Variants in OPHN1 observed in about 807,000 individuals in gnomAD.
The protein encoded by OPHN1 is oligophrenin-1.
OPHN1 carries 11 observed loss-of-function variants against 60.7 expected under a neutral mutation model. That is an observed-to-expected ratio of 0.18 (90% CI 0.11 to 0.30). The LOEUF is 0.30. Ranked by LOEUF, OPHN1 falls within the 10% of genes least tolerant of loss-of-function variation. OPHN1 has a pLI of 1.00. For missense variants in OPHN1, 449 were observed against 611.0 expected (o/e 0.73, Z 2.80); for synonymous variants, 226 against 222.6 (o/e 1.02, Z -0.14).
chrX:68,222,163 A>C (rs1398653465), intron 6 of OPHN1, among the ~76,000 whole-genome samples: 1 of 109,380 alleles, frequency 9.1e-6, no homozygotes, highest in Non-Finnish European at 1.9e-5. Flanking sequence ...ATGCAGCCAA[A>C]AAACACATGA....
intron 21 of OPHN1, among the ~76,000 whole-genome samples, chrX:68,058,259 AACACACACACACACAC>A (rs745625536): frequency 9.8e-6 from 1 of 101,976 alleles, no homozygotes; most frequent in African/African-American, 3.6e-5. Context: ...CCTACACTCT[AACACACACACACACAC>A]ACACACACAC....
intron 19 of OPHN1, among the ~76,000 whole-genome samples, chrX:68,090,766 T>C (rs893376094): frequency 1.8e-5 from 2 of 111,321 alleles, no homozygotes; most frequent in African/African-American, 3.3e-5. Context: ...CCTTCAACCA[T>C]CCATGTCTGC....
At chrX:68,194,000 AC>A (rs1228965367) in intron 13 of OPHN1, 48 bp from the exon 14 acceptor site, 1 of 1,036,976 alleles carries the variant, frequency 9.6e-7, no homozygotes, top group African/African-American at 1.9e-5. Context: ...AACAGGTGTC[AC>A]CTATTAAACA....
At chrX:68,136,291 C>CTTTTTTTTTTTT (rs779712280) in intron 15 of OPHN1, among the ~76,000 whole-genome samples, 16 of 64,108 alleles carry the variant, frequency 2.5e-4, no homozygotes, top group African/African-American at 7.8e-4. Flanking sequence ...AATATCTTTT[C>CTTTTTTTTTTTT]TTTTTTTTTT....
intron 2 of OPHN1, among the ~76,000 whole-genome samples, chrX:68,401,342 G>A (rs747274835): frequency 8.9e-6 from 1 of 111,986 alleles, no homozygotes; most frequent in African/African-American, 3.2e-5. Context: ...ATCCTCAAAG[G>A]TGGTGGCATT....
intron 5 of OPHN1, among the ~76,000 whole-genome samples, chrX:68,243,709 A>G: frequency 8.9e-6 from 1 of 111,992 alleles, no homozygotes; most frequent in East Asian, 2.8e-4. Flanking sequence ...TTTTAGCTTA[A>G]TAAAAGCCAT....
intron 15 of OPHN1, among the ~76,000 whole-genome samples, chrX:68,123,170 T>C (rs1305357824): frequency 9.1e-6 from 1 of 110,388 alleles, no homozygotes; most frequent in African/African-American, 3.3e-5. Flanking sequence ...CAAGAGAGAG[T>C]GGCATGACAT....
intron 15 of OPHN1, among the ~76,000 whole-genome samples, chrX:68,134,122 C>T (rs2077209368): frequency 9.1e-6 from 1 of 110,083 alleles, no homozygotes; most frequent in Non-Finnish European, 1.9e-5. Flanking sequence ...TTGCAGTGAG[C>T]CAAGATCGCG....
intron 2 of OPHN1, among the ~76,000 whole-genome samples, chrX:68,426,230 C>T (rs2078854999): frequency 9.0e-6 from 1 of 110,737 alleles, no homozygotes; most frequent in African/African-American, 3.3e-5. Context: ...CACTTGAGGT[C>T]AGGAGTTCGA....
At chrX:68,270,943 A>C (rs930413632) in intron 5 of OPHN1, among the ~76,000 whole-genome samples, 1 of 110,777 alleles carries the variant, frequency 9.0e-6, no homozygotes, top group African/African-American at 3.3e-5. Context: ...ACCTCACTGA[A>C]CTTAGTGTCC....
intron 2 of OPHN1, among the ~76,000 whole-genome samples, chrX:68,340,736 G>A (rs2078347086): frequency 9.0e-6 from 1 of 111,582 alleles, no homozygotes; most frequent in South Asian, 3.8e-4. Flanking sequence ...ACCACTGTGG[G>A]ATCACACCTG....
chrX:68,096,885 G>C lies in OPHN1; in HGVS notation c.1671C>G (p.Ile557Met). 4.1e-6 allele frequency: 5 copies of C among 1,210,570 alleles called. No homozygotes were observed. The highest frequency in any genetic ancestry group is 5.6e-6 in the Non-Finnish European group (5 of 894,953). Residue 557 changes from isoleucine (I) to methionine (M), a missense_variant, in exon 19 of 25, where the codon ATC becomes ATG. Around this residue, in one of 4 missense-constraint regions of OPHN1, gnomAD observed 166 missense variants for 278.4 expected, o/e 0.60. Transcript: ENST00000355520. ...KFQNIVVEIL[I>M]EHFGKIYLGP... ...AAATGCATACCTTGCCAAAGTGCTC[G>C]ATTAGTATTTCCACCACTATGTTCT... is the stretch of plus-strand genomic sequence containing the variant.
intron 7 of OPHN1, among the ~76,000 whole-genome samples, 188 bp from the exon 8 acceptor site, chrX:68,212,400 C>T (rs1439729880): frequency 9.0e-6 from 1 of 111,173 alleles, no homozygotes; most frequent in Admixed American, 9.6e-5. Context: ...GCCTGACCAA[C>T]ATGGTGAAAT....
intron 5 of OPHN1, among the ~76,000 whole-genome samples, chrX:68,262,125 G>A (rs1433295055): frequency 8.9e-6 from 1 of 112,055 alleles, no homozygotes; most frequent in Non-Finnish European, 1.9e-5. Context: ...AGTGGAAGAA[G>A]AGGGAAAGTA....
chrX:68,237,217 T>C (rs942603222), intron 5 of OPHN1, among the ~76,000 whole-genome samples: 9 of 112,636 alleles, frequency 8.0e-5, no homozygotes, highest in Non-Finnish European at 1.3e-4. Flanking sequence ...ACTCCTGACC[T>C]CAGGTAATCC....
chrX:68,377,464 G>A (rs1221110031), intron 2 of OPHN1, among the ~76,000 whole-genome samples: 1 of 104,846 alleles, frequency 9.5e-6, no homozygotes, highest in Non-Finnish European at 1.9e-5. Flanking sequence ...AAGTTCTAGG[G>A]TACATGTGCA....
chrX:68,364,549 T>C lies in OPHN1; in HGVS notation c.155-65453A>G, dbSNP rs953895809. Among the ~76,000 whole-genome samples, 5 of 111,807 alleles carry C rather than the reference T, an allele frequency of 4.5e-5. No homozygotes were observed. The Admixed American group carries it at 4.8e-4, about 11-fold the overall frequency. On this transcript the variant is annotated intron_variant, in intron 2 of 24. Transcript: ENST00000355520. ...CTTAAGAAAAGGAGATCATTCTGTT[T>C]CCATCAGGATGTAATTCAGTTTCTT... is the stretch of plus-strand genomic sequence containing the variant.
At chrX:68,205,979 A>AGTGTGTGTGTGT (rs1228949782) in intron 10 of OPHN1, among the ~76,000 whole-genome samples, 2,473 of 91,135 alleles carry the variant, frequency 0.027, 42 homozygotes, top group Middle Eastern at 0.055. Context: ...AGTGTGTGTG[A>AGTGTGTGTGTGT]GTGTGTGTGT....
chrX:68,416,057 TATATATATATAGAGAG>T (rs1414693639), intron 2 of OPHN1, among the ~76,000 whole-genome samples: 61 of 7,858 alleles, frequency 7.8e-3, no homozygotes, highest in African/African-American at 8.9e-3. Context: ...TATATATATA[TATATATATATAGAGAG>T]AGAGAGAGAG....
Sources: allele counts gnomAD v4.1 joint callset (sites outside exome capture counted in the v4.1 genomes callset), GRCh38; gene constraint gnomAD v4.1.1; regional missense constraint gnomAD v4.1.1; transcripts MANE v1.5; gene names NCBI Gene and HGNC (gene_info 2026-07-23, HGNC 2026-07-21).